The following LRP1B variants were observed in gnomAD, a reference collection of about 807,000 sequenced individuals.
The protein encoded by LRP1B is low-density lipoprotein receptor-related protein 1B.
A neutral mutation model predicts 556.6 loss-of-function variants in LRP1B; 217 were observed. That is an observed-to-expected ratio of 0.39 (90% confidence interval 0.35 to 0.44). The LOEUF is 0.44. LRP1B is among the 20% of genes least tolerant of loss of function. The pLI is 1.00. For missense variants in LRP1B, 5,053 were observed against 5,620.8 expected (o/e 0.90, Z 3.23); for synonymous variants, 2,047 against 1,865.8 (o/e 1.10, Z -2.50).
At chr2:141,193,251 T>G (rs1681599749) in intron 6 of LRP1B, among the ~76,000 whole-genome samples, 1 of 152,002 alleles carries the variant, frequency 6.6e-6, no homozygotes, top group South Asian at 2.1e-4. Context: ...CAGAGGAATA[T>G]AAATCATTCT....
intron 1 of LRP1B, among the ~76,000 whole-genome samples, chr2:142,086,559 C>G (rs1290040726): frequency 1.3e-5 from 2 of 151,648 alleles, no homozygotes; most frequent in Admixed American, 6.6e-5. Flanking sequence ...TCTCAGTGGG[C>G]CTAAGTCGCA....
chr2:141,409,363 T>C lies in LRP1B; in HGVS notation c.343+71033A>G, dbSNP rs1690762967. On this transcript the variant is annotated intron_variant, in intron 3 of 90. Coordinates refer to ENST00000389484, the MANE Select transcript of LRP1B (RefSeq NM_018557.3). ...GGCATTTATATAATATTTTGAGCTTTCTATTTGTTCATTAGCAAAATGAGA... is the reference window on the plus strand; with the variant it reads ...GGCATTTATATAATATTTTGAGCTTCCTATTTGTTCATTAGCAAAATGAGA... Among the ~76,000 whole-genome samples, 3 of 152,172 alleles carry C rather than the reference T, an allele frequency of 2.0e-5. No individual in the cohort carries two copies. In the South Asian group the frequency reaches 6.2e-4, roughly 32 times the overall value.
intron 77 of LRP1B, among the ~76,000 whole-genome samples, chr2:140,340,485 C>T (rs563150204): frequency 6.6e-6 from 1 of 151,362 alleles, no homozygotes; most frequent in African/African-American, 2.4e-5. Flanking sequence ...GTGCTAATTC[C>T]GATATTATTC....
chr2:140,935,901 T>C (rs921625077), intron 20 of LRP1B, among the ~76,000 whole-genome samples: 1 of 151,770 alleles, frequency 6.6e-6, no homozygotes, highest in Non-Finnish European at 1.5e-5. Flanking sequence ...CACACATATA[T>C]ATGTATATAT....
At chr2:141,085,078 C>T (rs1700019863) in intron 7 of LRP1B, among the ~76,000 whole-genome samples, 1 of 133,756 alleles carries the variant, frequency 7.5e-6, no homozygotes, top group African/African-American at 2.8e-5. Flanking sequence ...CTAGACTCAC[C>T]AATTGTTAAA....
At chr2:141,081,661 A>G (rs1699925195) in intron 7 of LRP1B, among the ~76,000 whole-genome samples, 2 of 151,648 alleles carry the variant, frequency 1.3e-5, no homozygotes, top group East Asian at 3.9e-4. Flanking sequence ...CTTGGTGAGT[A>G]TCATTTCCAT....
In LRP1B at chr2:140,851,708, G is replaced by A. The variant is rs889349226; in HGVS notation, c.4655C>T (p.Ala1552Val). ...CATCAAGTGGGGGCACGCACAGGCA[G>A]CACTCCTATTGTGATTGATTAGACA... ...HMCLINHNRSAACACPHLMKL... is the reference protein window; with the variant it reads ...HMCLINHNRSVACACPHLMKL... Residue 1552 changes from alanine (A) to valine (V), a missense_variant, in exon 28 of 91, where the codon GCT becomes GTT. Physicochemically the swap from Ala to Val is moderately conservative, Grantham distance 64 (BLOSUM62 0). This residue lies in a region of LRP1B where 3,619 missense variants were observed against 3,931.9 expected (regional missense o/e 0.92). Coordinates refer to ENST00000389484, the MANE Select transcript of LRP1B (RefSeq NM_018557.3). 1.9e-6 allele frequency: 3 copies of A among 1,611,898 alleles called. No homozygotes were observed. The highest frequency in any genetic ancestry group is 3.4e-5 in the Admixed American group (2 of 59,406).
intron 43 of LRP1B, among the ~76,000 whole-genome samples, chr2:140,578,759 T>TA (rs545410186): frequency 6.6e-4 from 101 of 151,992 alleles, no homozygotes; most frequent in African/African-American, 2.1e-3. Context: ...ATAAAATAAA[T>TA]AAAAAAAATC....
intron 32 of LRP1B, among the ~76,000 whole-genome samples, chr2:140,786,839 C>A (rs1689922295): frequency 6.6e-6 from 1 of 152,168 alleles, no homozygotes; most frequent in Admixed American, 6.5e-5. Flanking sequence ...AATTCCCAAG[C>A]TGATGGCTTG....
At chr2:140,301,932 TATACAC>T (rs1380516315) in intron 83 of LRP1B, among the ~76,000 whole-genome samples, 3 of 151,878 alleles carry the variant, frequency 2.0e-5, no homozygotes, top group African/African-American at 7.2e-5. Context: ...CATATATACA[TATACAC>T]ATACCCTATT....
chr2:141,259,172 G>A (rs2105348415), intron 3 of LRP1B, among the ~76,000 whole-genome samples: 1 of 152,122 alleles, frequency 6.6e-6, no homozygotes, highest in South Asian at 2.1e-4. Context: ...ATAGTAAGAG[G>A]GAGTCTAAAA....
chr2:141,830,021 A>C (rs1697062437), intron 1 of LRP1B, among the ~76,000 whole-genome samples: 3 of 151,926 alleles, frequency 2.0e-5, no homozygotes, highest in Admixed American at 1.3e-4. Context: ...GACACCACTG[A>C]CAAAAGCAGC....
At chr2:141,041,707 G>T (rs138812677) in intron 11 of LRP1B, among the ~76,000 whole-genome samples, 1 of 152,062 alleles carries the variant, frequency 6.6e-6, no homozygotes, top group Non-Finnish European at 1.5e-5. Flanking sequence ...TTTGGTGTAC[G>T]TTTTCAAAAC....
intron 87 of LRP1B, among the ~76,000 whole-genome samples, chr2:140,241,286 C>T (rs1680937720): frequency 6.6e-6 from 1 of 150,842 alleles, no homozygotes; most frequent in African/African-American, 2.4e-5. Context: ...GTTTTAAATA[C>T]CAGAGAACAG....
chr2:140,644,641 G>T (rs1265197623), intron 41 of LRP1B, among the ~76,000 whole-genome samples: 1 of 151,852 alleles, frequency 6.6e-6, no homozygotes, highest in African/African-American at 2.4e-5. Context: ...TCAAATTCCT[G>T]GGCTCAATCC....
intron 35 of LRP1B, among the ~76,000 whole-genome samples, chr2:140,741,166 C>T (rs1221125642): frequency 6.6e-6 from 1 of 152,180 alleles, no homozygotes; most frequent in Non-Finnish European, 1.5e-5. Flanking sequence ...AAAGCTAGCA[C>T]ATATGCAAGT....
intron 20 of LRP1B, among the ~76,000 whole-genome samples, chr2:140,932,362 G>A (rs991240015): frequency 6.6e-6 from 1 of 152,052 alleles, no homozygotes; most frequent in African/African-American, 2.4e-5. Flanking sequence ...ACCTGTTTGT[G>A]TAAATAAAGT....
chr2:141,822,701 T>C lies in LRP1B; in HGVS notation c.83-12300A>G, dbSNP rs141639794. On this transcript the variant is annotated intron_variant, in intron 1 of 90. Coordinates refer to ENST00000389484, the MANE Select transcript of LRP1B (RefSeq NM_018557.3). ...TCCTTATTATTTTAATCTTAAAATA[T>C]ATTTTAAATCATAATTCCTTGTTCC... Among the ~76,000 whole-genome samples the C allele has an allele frequency of 9.2e-3, 1,399 of 152,298 alleles. 15 individuals are homozygous for C. Among genetic ancestry groups the C allele is most frequent in the African/African-American group, 0.032 (1,312 of 41,570 alleles).
intron 32 of LRP1B, among the ~76,000 whole-genome samples, chr2:140,810,149 G>A (rs967497972): frequency 6.6e-6 from 1 of 152,040 alleles, no homozygotes; most frequent in Non-Finnish European, 1.5e-5. Context: ...AGTCTCGAGC[G>A]GTTCCAATTT....
Sources: gnomAD v4.1 joint callset for allele counts (sites outside exome capture counted in the v4.1 genomes callset) on GRCh38, gnomAD v4.1.1 for gene constraint, gnomAD v4.1.1 regional missense constraint, MANE v1.5 for transcripts, NCBI Gene and HGNC (gene_info 2026-07-23, HGNC 2026-07-21) for gene names.